The following ADSS1 variants were observed in gnomAD, a reference collection of about 807,000 sequenced individuals.
The protein encoded by ADSS1 is adenylosuccinate synthetase isozyme 1.
In ADSS1, 57 loss-of-function variants were observed where a neutral mutation model predicts 59.1. The observed-to-expected ratio is 0.97, with a 90% CI of 0.78 to 1.20. ADSS1 has a LOEUF of 1.20. Ranked by LOEUF, ADSS1 falls within the 50% of genes most tolerant of loss-of-function variation. The pLI, the probability that ADSS1 is intolerant of heterozygous loss-of-function variation, is 0.00. For synonymous variants in ADSS1, 247 were observed against 249.4 expected, an observed-to-expected ratio of 0.99 and a Z score of 0.09; for missense variants, 603 against 610.3, an observed-to-expected ratio of 0.99 and a Z score of 0.13.
chr14:104,740,720 G>C lies in ADSS1; in HGVS notation c.584+12G>C, dbSNP rs201337652. On this transcript the variant is annotated intron_variant, in intron 6 of 12. Transcript: ENST00000330877. This position sits in a 1 kb window ranked among gnomAD's most constrained non-coding sequence, Gnocchi z 4.8. Reference sequence around the variant, plus strand: ...GAGTTTTCCTCCAGGTACCTGAGCCGTCTGCAGTCCCCGGGGAGGATGGGG... The same window carrying C: ...GAGTTTTCCTCCAGGTACCTGAGCCCTCTGCAGTCCCCGGGGAGGATGGGG... 28 of 1,613,730 alleles carry C rather than the reference G, an allele frequency of 1.7e-5. No individual in the cohort carries two copies. In the South Asian group the frequency reaches 3.0e-4, roughly 17 times the overall value.
intron 9 of ADSS1, 31 bp downstream of exon 9, chr14:104,742,033 G>C: frequency 6.2e-7 from 1 of 1,608,450 alleles, no homozygotes; most frequent in Non-Finnish European, 8.5e-7. Context: ...GACCCCGTGG[G>C]AGGACAGGGA....
intron 1 of ADSS1, among the ~76,000 whole-genome samples, chr14:104,733,300 C>G (rs76665801): frequency 6.6e-6 from 1 of 152,146 alleles, no homozygotes; most frequent in South Asian, 2.1e-4. Flanking sequence ...GAAGTCAGGG[C>G]GTGGAGGTGG....
chr14:104,737,525 T>C (rs1256305076), intron 2 of ADSS1: 1 of 152,220 alleles, frequency 6.6e-6, no homozygotes, highest in African/African-American at 2.4e-5. Flanking sequence ...TCGGCGATTA[T>C]GAATAGAGCT....
chr14:104,746,022 G>C (rs1891541709), intron 11 of ADSS1: 1 of 527,524 alleles, frequency 1.9e-6, no homozygotes, highest in East Asian at 3.1e-5. Flanking sequence ...CTCTGGTCTG[G>C]AAGGCGTGTA....
At chr14:104,732,417 C>T (rs1386292680) in intron 1 of ADSS1, among the ~76,000 whole-genome samples, 1 of 152,212 alleles carries the variant, frequency 6.6e-6, no homozygotes, top group Non-Finnish European at 1.5e-5. Flanking sequence ...ACTGGTGTCT[C>T]TCTGGGGCCA....
At position 104,743,319 on chromosome 14, in the gene ADSS1, G is replaced by A. The variant is rs751214896; in HGVS notation, c.1073+128G>A. The A allele has an allele frequency of 1.1e-5, 15 of 1,397,442 alleles. No homozygotes were observed. The South Asian group carries it at 1.4e-4, about 13-fold the overall frequency. 86.6% of individuals were successfully genotyped at this position (1,397,442 alleles called of 1,614,324 possible). A position where few individuals can be genotyped will look rare whatever the true frequency, so the allele number is the denominator to read the frequency against. ...CTTGGACAAGGTTTCCACTGATCTC[G>A]ACCCTTCCACAAAGCACGGCCCAGA... On this transcript the variant is annotated intron_variant, in intron 10 of 12. Coordinates refer to ENST00000330877, the MANE Select transcript of ADSS1 (RefSeq NM_152328.5).
chr14:104,724,973 G>A (rs76459533), intron 1 of ADSS1, among the ~76,000 whole-genome samples: 7 of 152,298 alleles, frequency 4.6e-5, no homozygotes, highest in South Asian at 2.1e-4. Context: ...GGGTGACCCC[G>A]GTGAGTCAGC....
Position 104,744,877 on chromosome 14 carries a change from A to T in ADSS1, c.1139A>T (p.Lys380Met). Residue 380 changes from lysine (K) to methionine (M), a missense_variant, in exon 11 of 13, where the codon AAG (lysine) becomes ATG (methionine). Coordinates refer to ENST00000330877, the MANE Select transcript of ADSS1 (RefSeq NM_152328.5). Reference sequence around the variant, plus strand: ...GAGGTTAAAGTCGGTGTCTCATACAAGCTGAACGGGAAAAGGATTCCCTAT... The same window carrying T: ...GAGGTTAAAGTCGGTGTCTCATACATGCTGAACGGGAAAAGGATTCCCTAT... ...LGEVKVGVSY[K>M]LNGKRIPYFP... is the part of the protein sequence containing the mutation. The T allele has an allele frequency of 6.2e-7, 1 of 1,614,154 alleles. No individual in the cohort carries two copies. The highest frequency in any genetic ancestry group is 1.1e-5 in the South Asian group (1 of 91,088).
chr14:104,742,298 C>T (rs1042083335), intron 9 of ADSS1, among the ~76,000 whole-genome samples: 3 of 152,272 alleles, frequency 2.0e-5, no homozygotes, highest in East Asian at 1.9e-4. Flanking sequence ...CAAGTGCGGA[C>T]GCCTTGCAGT....
chr14:104,739,257 C>A, intron 3 of ADSS1, 71 bp from the exon 4 acceptor site: 2 of 1,525,096 alleles, frequency 1.3e-6, no homozygotes, highest in South Asian at 2.4e-5. Context: ...GCTAGCCCAG[C>A]TCTGGCCCCT....
intron 12 of ADSS1, 119 bp from the exon 13 acceptor site, chr14:104,746,832 G>T: frequency 9.7e-7 from 1 of 1,035,606 alleles, no homozygotes; most frequent in Admixed American, 1.9e-5. Flanking sequence ...GCCTCCATTT[G>T]GAGAGAAAAT....
At chr14:104,732,300 C>G (rs1890960135) in intron 1 of ADSS1, among the ~76,000 whole-genome samples, 1 of 152,224 alleles carries the variant, frequency 6.6e-6, no homozygotes, top group Non-Finnish European at 1.5e-5. Context: ...GTGGGAATCC[C>G]AGGCTGAAGC....
intron 1 of ADSS1, chr14:104,730,231 C>CATCT: frequency 6.8e-7 from 1 of 1,481,322 alleles, no homozygotes; most frequent in Non-Finnish European, 9.0e-7. Context: ...CGGTGGCGTA[C>CATCT]ATCTGTAACT....
In ADSS1 at chr14:104,747,250, G is replaced by A. The variant is rs1891599448; in HGVS notation, c.*247G>A. 2.7e-6 allele frequency: 1 copy of A among 375,388 alleles called. No individual in the cohort carries two copies. 23.3% of individuals were successfully genotyped at this position (375,388 alleles called of 1,614,324 possible). On this transcript the variant is annotated 3_prime_UTR_variant, in exon 13 of 13. Coordinates refer to ENST00000330877, the MANE Select transcript of ADSS1 (RefSeq NM_152328.5). Reference sequence around the variant, plus strand: ...CTCAGAGACCTTCTATGACACATTAGTGTCACATGGTTGCGTGTCCAGCCG... The same window carrying A: ...CTCAGAGACCTTCTATGACACATTAATGTCACATGGTTGCGTGTCCAGCCG...
intron 1 of ADSS1, among the ~76,000 whole-genome samples, chr14:104,731,195 C>T (rs918912362): frequency 1.3e-4 from 20 of 152,204 alleles, no homozygotes; most frequent in African/African-American, 4.8e-4. Context: ...CTCTCTCACT[C>T]GCACCCTTGC....
chr14:104,730,895 G>A (rs1441349355), intron 1 of ADSS1, among the ~76,000 whole-genome samples: 1 of 149,836 alleles, frequency 6.7e-6, no homozygotes, highest in African/African-American at 2.5e-5. Flanking sequence ...CCTGCCACCA[G>A]GGAGGCAGCT....
At chr14:104,739,870 G>T (rs1268844352) in intron 5 of ADSS1, 54 bp downstream of exon 5, 2 of 1,584,042 alleles carry the variant, frequency 1.3e-6, no homozygotes, top group East Asian at 4.5e-5. Context: ...CCCGTAAGCC[G>T]GTAGACTGTG....
intron 1 of ADSS1, among the ~76,000 whole-genome samples, chr14:104,731,832 G>A (rs926526696): frequency 2.0e-5 from 3 of 152,318 alleles, no homozygotes; most frequent in African/African-American, 4.8e-5. Flanking sequence ...GACAGGACTC[G>A]GGGCTCAGGG....
In ADSS1 at chr14:104,724,399, C is replaced by G. The variant is rs1470520650; in HGVS notation, c.129C>G (p.Asp43Glu). ...TGGTGCTGGGCGCGCAGTGGGGGGACGAGGGCAAAGGCAAGGTGGTGGACC... is the reference window on the plus strand; with the variant it reads ...TGGTGCTGGGCGCGCAGTGGGGGGAGGAGGGCAAAGGCAAGGTGGTGGACC... ...VTVVLGAQWG[D>E]EGKGKVVDLL... The change falls in exon 1 of 13, where the codon GAC becomes GAG. Residue 43 changes from aspartate to glutamate, a missense_variant. Physicochemically the swap from Asp to Glu is conservative, Grantham distance 45. Transcript: ENST00000330877. The G allele has an allele frequency of 1.3e-5, 16 of 1,262,564 alleles. No homozygotes were observed. The highest frequency in any genetic ancestry group is 6.0e-6 in the Non-Finnish European group (6 of 998,470). The allele number at this position is 1,262,564 out of a possible 1,614,324, so 78.2% of individuals were successfully genotyped here.
Sources: allele counts gnomAD v4.1 joint callset (sites outside exome capture counted in the v4.1 genomes callset), GRCh38; gene constraint gnomAD v4.1.1; non-coding constraint Gnocchi (gnomAD v3.1); transcripts MANE v1.5; gene names NCBI Gene and HGNC (gene_info 2026-07-23, HGNC 2026-07-21).